RGS6: variants seen among roughly 807,000 people sequenced by gnomAD.
RGS6 encodes regulator of G-protein signaling 6.
A neutral mutation model predicts 78.5 loss-of-function variants in RGS6; 30 were observed. That is an observed-to-expected ratio of 0.38 (90% CI 0.29 to 0.52). The LOEUF is 0.52. Among genes scored for constraint, RGS6 ranks in the 20% least tolerant of loss-of-function variants. RGS6 has a pLI of 0.85. For missense variants in RGS6, 495 were observed against 609.7 expected (o/e 0.81, Z 1.98); for synonymous variants, 206 against 206.0 (o/e 1.00, Z 0.00).
At chr14:72,622,775 A>G in the RGS6 span, among the ~76,000 whole-genome samples, 4 of 152,062 alleles carry the variant, frequency 2.6e-5, no homozygotes, top group Non-Finnish European at 4.4e-5. Context: ...GTTCCAGCAG[A>G]ATGGGAATCC....
Position 72,465,738 on chromosome 14 carries a change from C to A in RGS6, c.395-20C>A. Reference sequence around the variant, plus strand: ...GTGCTGCTGGTTTTGTACATGTTGTCATTTCCTTTCTTCCCTCAGCCATCT... The same window carrying A: ...GTGCTGCTGGTTTTGTACATGTTGTAATTTCCTTTCTTCCCTCAGCCATCT... On this transcript the variant is annotated intron_variant, in intron 6 of 17. Coordinates refer to ENST00000553525, the MANE Select transcript of RGS6 (RefSeq NM_001204424.2). 3.1e-6 allele frequency: 5 copies of A among 1,600,298 alleles called. No homozygotes were observed. The highest frequency in any genetic ancestry group is 1.3e-5 in the African/African-American group (1 of 74,640).
chr14:72,043,496 A>G (rs1011100911), intron 2 of RGS6, among the ~76,000 whole-genome samples: 1 of 2,566 alleles, frequency 3.9e-4, no homozygotes, highest in African/African-American at 1.2e-3. Flanking sequence ...TTTGAAGGAT[A>G]ACTTTGCTGA....
the RGS6 span, among the ~76,000 whole-genome samples, chr14:72,593,410 G>T: frequency 2.0e-5 from 3 of 151,894 alleles, no homozygotes; most frequent in Non-Finnish European, 4.4e-5. Flanking sequence ...TTTTGAGATG[G>T]AGTCTTGCTC....
intron 1 of RGS6, among the ~76,000 whole-genome samples, chr14:71,961,409 A>C (rs1336922021): frequency 1.3e-5 from 2 of 152,132 alleles, no homozygotes; most frequent in Non-Finnish European, 2.9e-5. Context: ...GTTAGTTGCA[A>C]AGGAGCTAGG....
At chr14:71,873,590 A>G in the RGS6 span, among the ~76,000 whole-genome samples, 7 of 151,968 alleles carry the variant, frequency 4.6e-5, no homozygotes, top group Admixed American at 2.6e-4. Flanking sequence ...CATTCTGTAT[A>G]TTGCCTGTTC....
At chr14:72,250,032 T>C (rs1029526995) in intron 2 of RGS6, among the ~76,000 whole-genome samples, 8 of 136,776 alleles carry the variant, frequency 5.8e-5, no homozygotes, top group East Asian at 2.1e-4. Flanking sequence ...TAGGTGGGAA[T>C]TGAACAGTGA....
At position 72,121,853 on chromosome 14, in the gene RGS6, C is replaced by T. The variant is rs143523724; in HGVS notation, c.84+156978C>T. Among the ~76,000 whole-genome samples, 17 of 152,202 alleles carry T rather than the reference C, an allele frequency of 1.1e-4. 1 individual carries two copies. In the East Asian group the frequency reaches 3.3e-3, roughly 29 times the overall value. Reference sequence around the variant, plus strand: ...TGTGTTCCCAGTGTCTGCAACGGTGCCTTATTCTAGAAAAGAACATCTTAA... The same window carrying T: ...TGTGTTCCCAGTGTCTGCAACGGTGTCTTATTCTAGAAAAGAACATCTTAA... On this transcript the variant is annotated intron_variant, in intron 2 of 17. Coordinates refer to ENST00000553525, the MANE Select transcript of RGS6 (RefSeq NM_001204424.2).
In RGS6 at chr14:72,231,008, G is replaced by C. The variant is rs531144757; in HGVS notation, c.85-121087G>C. Among the ~76,000 whole-genome samples the C allele has an allele frequency of 9.9e-5, 15 of 152,272 alleles. 3 individuals are homozygous for C. The Middle Eastern group carries it at 0.048, about 483-fold the overall frequency. On this transcript the variant is annotated intron_variant, in intron 2 of 17. Coordinates refer to ENST00000553525, the MANE Select transcript of RGS6 (RefSeq NM_001204424.2). The stretch of plus-strand genomic sequence containing the variant: ...TATTTTTCCTCTTCAGTTCCACAGA[G>C]ATAAATACCTAGCAAATAGAAGCCA...
At chr14:72,571,839 G>C in the RGS6 span, among the ~76,000 whole-genome samples, 1 of 152,144 alleles carries the variant, frequency 6.6e-6, no homozygotes, top group African/African-American at 2.4e-5. Context: ...TTTTTAAACT[G>C]TTGTGGCTCA....
chr14:72,206,950 A>G (rs1009567607), intron 2 of RGS6, among the ~76,000 whole-genome samples: 1 of 152,214 alleles, frequency 6.6e-6, no homozygotes, highest in African/African-American at 2.4e-5. Flanking sequence ...TGAGAAAGAA[A>G]TAGAATTTTC....
chr14:72,148,317 G>A (rs2096636625), intron 2 of RGS6, among the ~76,000 whole-genome samples: 1 of 151,900 alleles, frequency 6.6e-6, no homozygotes, highest in Admixed American at 6.6e-5. Flanking sequence ...AAGATCACTT[G>A]TGTCCATGAG....
At chr14:72,157,188 C>T (rs1380226300) in intron 2 of RGS6, among the ~76,000 whole-genome samples, 3 of 152,154 alleles carry the variant, frequency 2.0e-5, no homozygotes, top group African/African-American at 7.2e-5. Context: ...AACATTTGAA[C>T]ATTGTGCCTC....
intron 3 of RGS6, among the ~76,000 whole-genome samples, chr14:72,361,271 A>G (rs948977009): frequency 2.0e-5 from 3 of 152,128 alleles, no homozygotes; most frequent in Non-Finnish European, 4.4e-5. Context: ...AGTGGACTTA[A>G]TTGATGTTAT....
At chr14:72,202,117 G>T (rs754332550) in intron 2 of RGS6, among the ~76,000 whole-genome samples, 1 of 152,160 alleles carries the variant, frequency 6.6e-6, no homozygotes, top group Admixed American at 6.5e-5. Context: ...TGGTTAGCTA[G>T]CTAAGAAATA....
Position 72,503,451 on chromosome 14 carries a change from T to G in RGS6, c.966-6703T>G, listed in dbSNP as rs7161734. Among the ~76,000 whole-genome samples the G allele has an allele frequency of 2.3e-3, 356 of 152,294 alleles. 1 individual carries two copies. Among genetic ancestry groups the G allele is most frequent in the African/African-American group, 7.9e-3 (328 of 41,556 alleles). ...CATCTAAATCAGATATGAATGAGAT[T>G]AAAGATACCATTCATCCTGAGGCAA... On this transcript the variant is annotated intron_variant, in intron 13 of 17. Coordinates refer to ENST00000553525, the MANE Select transcript of RGS6 (RefSeq NM_001204424.2).
chr14:72,605,169 T>C, the RGS6 span, among the ~76,000 whole-genome samples: 6 of 152,182 alleles, frequency 3.9e-5, no homozygotes, highest in African/African-American at 1.4e-4. Flanking sequence ...CTCCATGCTG[T>C]GGGCACGTTT....
the RGS6 span, among the ~76,000 whole-genome samples, chr14:71,873,571 A>G: frequency 2.0e-5 from 3 of 151,862 alleles, no homozygotes; most frequent in Admixed American, 2.0e-4. Context: ...GATTGCAAAA[A>G]TTTTCTCCCA....
chr14:72,401,081 A>T (rs1479802308), intron 3 of RGS6, among the ~76,000 whole-genome samples: 2 of 150,896 alleles, frequency 1.3e-5, no homozygotes, highest in African/African-American at 4.9e-5. Flanking sequence ...ATAATTCTTC[A>T]TTTTTTTTTA....
intron 2 of RGS6, among the ~76,000 whole-genome samples, chr14:72,070,121 T>C (rs1016314123): frequency 8.5e-5 from 13 of 152,164 alleles, no homozygotes; most frequent in African/African-American, 3.1e-4. Flanking sequence ...CTGTCATTCA[T>C]TGTGCTTTAT....
Sources: gnomAD v4.1 joint callset for allele counts (sites outside exome capture counted in the v4.1 genomes callset) on GRCh38, gnomAD v4.1.1 for gene constraint, MANE v1.5 for transcripts, NCBI Gene and HGNC (gene_info 2026-07-23, HGNC 2026-07-21) for gene names.